Variants in IL1RAPL2 observed in about 807,000 individuals in gnomAD.
IL1RAPL2 encodes the protein interleukin 1 receptor accessory protein like 2.
In IL1RAPL2, 3 loss-of-function variants were observed where a neutral mutation model predicts 44.1. The ratio of observed to expected loss-of-function variants is 0.07; its 90% CI spans 0.03 to 0.18. IL1RAPL2 has a LOEUF of 0.18. IL1RAPL2 is among the 10% of genes least tolerant of loss of function. The pLI is 1.00. For synonymous variants in IL1RAPL2, 181 were observed against 178.8 expected (o/e 1.01, Z -0.10); for missense variants, 391 against 496.4 (o/e 0.79, Z 2.02).
At chrX:105,318,972 A>G (rs1486094279) in intron 5 of IL1RAPL2, among the ~76,000 whole-genome samples, 1 of 112,196 alleles carries the variant, frequency 8.9e-6, no homozygotes, top group African/African-American at 3.2e-5. Flanking sequence ...CCAGAGATAC[A>G]TTATTTATTT....
intron 6 of IL1RAPL2, among the ~76,000 whole-genome samples, chrX:105,674,829 GT>G (rs1379519427): frequency 9.0e-6 from 1 of 110,987 alleles, no homozygotes; most frequent in East Asian, 2.8e-4. Flanking sequence ...GTCCTCTCTG[GT>G]TTCCTTGAAC....
intron 6 of IL1RAPL2, among the ~76,000 whole-genome samples, chrX:105,489,321 A>C (rs1480193193): frequency 8.9e-6 from 1 of 111,830 alleles, no homozygotes; most frequent in Non-Finnish European, 1.9e-5. Flanking sequence ...TTGAAAAAAA[A>C]ATATTTTCAA....
intron 2 of IL1RAPL2, among the ~76,000 whole-genome samples, chrX:104,779,058 T>C (rs758300279): frequency 8.9e-6 from 1 of 112,033 alleles, no homozygotes; most frequent in East Asian, 2.8e-4. Flanking sequence ...TATCTTCTAA[T>C]TTCCATTGAC....
chrX:104,933,272 A>C (rs1924950466), intron 2 of IL1RAPL2, among the ~76,000 whole-genome samples: 1 of 111,313 alleles, frequency 9.0e-6, no homozygotes, highest in Non-Finnish European at 1.9e-5. Context: ...ATATAATAAG[A>C]AAAAGAAGAA....
chrX:105,137,975 A>G (rs1249056222), intron 2 of IL1RAPL2, among the ~76,000 whole-genome samples: 1 of 111,993 alleles, frequency 8.9e-6, no homozygotes, highest in African/African-American at 3.2e-5. Context: ...CGGGAGGCTG[A>G]GGTGAGAGGA....
At position 105,646,007 on chromosome X, in the gene IL1RAPL2, T is replaced by C. The variant is rs1385526849; in HGVS notation, c.773-71360T>C. ...CACCTTGTCTCCCACTCCAGATTTT[T>C]TTTCCTATCATGCCCATGACATGGA... On this transcript the variant is annotated intron_variant, in intron 6 of 10. Coordinates refer to ENST00000372582, the MANE Select transcript of IL1RAPL2 (RefSeq NM_017416.2). Among the ~76,000 whole-genome samples, 6 of 111,210 alleles carry C rather than the reference T, an allele frequency of 5.4e-5. No homozygotes were observed. The Admixed American group carries it at 5.7e-4, about 11-fold the overall frequency.
At chrX:105,136,443 G>C (rs751579315) in intron 2 of IL1RAPL2, among the ~76,000 whole-genome samples, 1 of 112,172 alleles carries the variant, frequency 8.9e-6, no homozygotes. Context: ...TCATATTTTC[G>C]TGAGTCTTTG....
intron 5 of IL1RAPL2, among the ~76,000 whole-genome samples, chrX:105,331,616 T>C (rs1375232828): frequency 9.0e-6 from 1 of 111,649 alleles, no homozygotes; most frequent in Admixed American, 9.6e-5. Flanking sequence ...AGATACTGAC[T>C]ACTGGGGAAA....
At chrX:104,813,303 G>GC (rs1921044405) in intron 2 of IL1RAPL2, among the ~76,000 whole-genome samples, 1 of 111,323 alleles carries the variant, frequency 9.0e-6, no homozygotes, top group Non-Finnish European at 1.9e-5. Flanking sequence ...AGCAAGGAAT[G>GC]CCTAAGGATT....
intron 1 of IL1RAPL2, among the ~76,000 whole-genome samples, chrX:104,590,119 A>G (rs1223475688): frequency 1.8e-5 from 2 of 111,459 alleles, no homozygotes; most frequent in Non-Finnish European, 3.8e-5. Context: ...ATCTCAGCTC[A>G]CTGCCACCTC....
intron 5 of IL1RAPL2, among the ~76,000 whole-genome samples, chrX:105,381,278 A>G (rs1183008319): frequency 3.6e-5 from 4 of 110,948 alleles, no homozygotes. Context: ...CTAAATGTAC[A>G]TTTTTCTATT....
At chrX:105,418,247 A>G (rs1469391112) in intron 5 of IL1RAPL2, among the ~76,000 whole-genome samples, 1 of 111,409 alleles carries the variant, frequency 9.0e-6, no homozygotes, top group African/African-American at 3.3e-5. Flanking sequence ...TGGATCAATG[A>G]CTCAATGAAT....
At position 105,270,992 on chromosome X, in the gene IL1RAPL2, T is replaced by C. The variant is rs764049592; in HGVS notation, c.697+3451T>C. Among the ~76,000 whole-genome samples the C allele has an allele frequency of 3.3e-3, 367 of 112,305 alleles. 5 individuals are homozygous for C. Among genetic ancestry groups the C allele is most frequent in the African/African-American group, 0.011 (342 of 31,030 alleles). On this transcript the variant is annotated intron_variant, in intron 5 of 10. Coordinates refer to ENST00000372582, the MANE Select transcript of IL1RAPL2 (RefSeq NM_017416.2). ...ACTATTCTTTTTAAATTTATGATTC[T>C]GAGAAATATAACTTCAGTAAAACAA...
At chrX:105,432,129 CT>C (rs386417369) in intron 5 of IL1RAPL2, among the ~76,000 whole-genome samples, 211 of 44,828 alleles carry the variant, frequency 4.7e-3, no homozygotes, top group African/African-American at 0.017. Context: ...TTCAATTTGC[CT>C]TTTTTTTTTT....
chrX:105,558,139 G>A lies in IL1RAPL2; in HGVS notation c.772+73752G>A, dbSNP rs926988158. 6.3e-5 allele frequency among the ~76,000 whole-genome samples: 7 copies of A among 111,276 alleles called. No homozygotes were observed. The East Asian group carries it at 2.0e-3, about 32-fold the overall frequency. On this transcript the variant is annotated intron_variant, in intron 6 of 10. Coordinates refer to ENST00000372582, the MANE Select transcript of IL1RAPL2 (RefSeq NM_017416.2). ...AAAATGTGGATTCTGGGGTCAAACTGGCTAGATTCAAGGCACAGTTCTTTC... is the reference window on the plus strand; with the variant it reads ...AAAATGTGGATTCTGGGGTCAAACTAGCTAGATTCAAGGCACAGTTCTTTC...
intron 2 of IL1RAPL2, among the ~76,000 whole-genome samples, chrX:105,039,719 T>C (rs2031689659): frequency 8.9e-6 from 1 of 111,997 alleles, no homozygotes; most frequent in Admixed American, 9.5e-5. Context: ...TGATTTTTTG[T>C]ACACTGACTT....
chrX:105,290,838 C>A (rs1192237233), intron 5 of IL1RAPL2, among the ~76,000 whole-genome samples: 1 of 111,351 alleles, frequency 9.0e-6, no homozygotes, highest in Non-Finnish European at 1.9e-5. Flanking sequence ...CTAGGTGCCT[C>A]ACTTACACTT....
chrX:105,496,176 T>G (rs1369018309), intron 6 of IL1RAPL2, among the ~76,000 whole-genome samples: 2 of 112,151 alleles, frequency 1.8e-5, no homozygotes, highest in Non-Finnish European at 3.8e-5. Flanking sequence ...GGAAGTCCCC[T>G]GCTTCGAGTT....
At chrX:104,997,865 T>C (rs1035572199) in intron 2 of IL1RAPL2, among the ~76,000 whole-genome samples, 10 of 111,647 alleles carry the variant, frequency 9.0e-5, no homozygotes, top group South Asian at 3.8e-4. Context: ...TTTGGAGATA[T>C]TGAGTTTGAG....
Sources: gnomAD v4.1 joint callset for allele counts (sites outside exome capture counted in the v4.1 genomes callset) on GRCh38, gnomAD v4.1.1 for gene constraint, MANE v1.5 for transcripts, NCBI Gene and HGNC (gene_info 2026-07-23, HGNC 2026-07-21) for gene names.